Variants in BTBD9 observed in about 807,000 individuals in gnomAD.
BTBD9 encodes BTB domain containing 9.
In BTBD9, 49 loss-of-function variants were observed where a neutral mutation model predicts 64.3. That is an observed-to-expected ratio of 0.76 (90% CI 0.61 to 0.97). The LOEUF is 0.97. BTBD9 is among the 50% of genes least tolerant of loss of function. BTBD9 has a pLI of 0.00. For missense variants in BTBD9, 598 were observed against 762.1 expected, an observed-to-expected ratio of 0.78 and a Z score of 2.53; for synonymous variants, 260 against 274.7, an observed-to-expected ratio of 0.95 and a Z score of 0.53.
chr6:38,589,886 C>T (rs139906956), intron 4 of BTBD9, among the ~76,000 whole-genome samples: 1,936 of 152,256 alleles, frequency 0.013, 38 homozygotes, highest in African/African-American at 0.043. Context: ...CAAATGTCTT[C>T]CTTCTTCCTT....
chr6:38,386,933 G>A (rs182110821), intron 6 of BTBD9, among the ~76,000 whole-genome samples: 19 of 152,168 alleles, frequency 1.2e-4, no homozygotes, highest in Admixed American at 2.6e-4. Flanking sequence ...ATCAGCCAAC[G>A]CGTCTGGCCC....
At chr6:38,564,842 A>C (rs542416950) in intron 6 of BTBD9, among the ~76,000 whole-genome samples, 7 of 152,308 alleles carry the variant, frequency 4.6e-5, no homozygotes, top group African/African-American at 1.7e-4. Flanking sequence ...CAGTGAGCCG[A>C]GATTGCACTG....
chr6:38,180,224 G>A (rs1415646375), intron 10 of BTBD9, among the ~76,000 whole-genome samples: 3 of 152,196 alleles, frequency 2.0e-5, no homozygotes, highest in Non-Finnish European at 4.4e-5. Flanking sequence ...GGGTGGTCCC[G>A]ATTCTGTTCT....
intron 1 of BTBD9, among the ~76,000 whole-genome samples, chr6:38,604,035 CT>C (rs1657244985): frequency 6.6e-6 from 1 of 152,094 alleles, no homozygotes; most frequent in Non-Finnish European, 1.5e-5. Flanking sequence ...TACTCTACCC[CT>C]GTCATCCAAA....
intron 1 of BTBD9, among the ~76,000 whole-genome samples, chr6:38,614,702 C>T (rs1334261001): frequency 1.3e-5 from 2 of 152,148 alleles, no homozygotes; most frequent in Non-Finnish European, 2.9e-5. Context: ...TTGTTTTTAC[C>T]TCCTAAGATA....
intron 4 of BTBD9, among the ~76,000 whole-genome samples, chr6:38,591,414 ACTT>A (rs757504370): frequency 6.6e-5 from 10 of 152,198 alleles, no homozygotes; most frequent in Non-Finnish European, 1.3e-4. Context: ...ATACCAAGCC[ACTT>A]CTTCTGAAGT....
At chr6:38,283,224 C>G (rs549943287) in intron 8 of BTBD9, among the ~76,000 whole-genome samples, 3 of 152,160 alleles carry the variant, frequency 2.0e-5, no homozygotes, top group Non-Finnish European at 4.4e-5. Context: ...ACTTGCCTAC[C>G]CAACTACGGA....
intron 1 of BTBD9, among the ~76,000 whole-genome samples, chr6:38,624,163 C>T (rs140364975): frequency 1.8e-4 from 27 of 152,292 alleles, no homozygotes; most frequent in East Asian, 1.5e-3. Flanking sequence ...CTCTGTAAAA[C>T]GCGCAAATTA....
intron 6 of BTBD9, among the ~76,000 whole-genome samples, chr6:38,559,013 T>A (rs563043319): frequency 5.9e-5 from 9 of 152,302 alleles, no homozygotes; most frequent in African/African-American, 2.2e-4. Flanking sequence ...TGTGAATCCA[T>A]CTGGTCCAGG....
At chr6:38,447,252 C>T (rs1769316102) in intron 6 of BTBD9, among the ~76,000 whole-genome samples, 1 of 152,128 alleles carries the variant, frequency 6.6e-6, no homozygotes, top group African/African-American at 2.4e-5. Context: ...CATGGCCCAT[C>T]CATTAGAGAT....
Position 38,455,977 on chromosome 6 carries a change from C to CA in BTBD9, c.1155-110885_1155-110884insT, listed in dbSNP as rs559349794. Reference sequence around the variant, plus strand: ...CAGGCATGAGCCACTGCACCTAGCCCTTTTTTTTTTCTTTTTTTTCTTTTG... The same window carrying CA: ...CAGGCATGAGCCACTGCACCTAGCCCATTTTTTTTTTCTTTTTTTTCTTTTG... On this transcript the variant is annotated intron_variant, in intron 6 of 10. Transcript: ENST00000481247. Among the ~76,000 whole-genome samples the CA allele has an allele frequency of 3.4e-5, 5 of 145,790 alleles. 1 individual carries two copies. The highest frequency in any genetic ancestry group is 2.7e-4 in the Admixed American group (4 of 14,614).
chr6:38,634,497 T>G (rs1431513586), intron 1 of BTBD9, among the ~76,000 whole-genome samples: 1 of 152,064 alleles, frequency 6.6e-6, no homozygotes, highest in Non-Finnish European at 1.5e-5. Flanking sequence ...AGACTCAATG[T>G]GCCTAATACA....
At chr6:38,305,653 T>G (rs1762599482) in intron 7 of BTBD9, among the ~76,000 whole-genome samples, 2 of 151,986 alleles carry the variant, frequency 1.3e-5, no homozygotes, top group Admixed American at 6.6e-5. Flanking sequence ...GGCTAATTTT[T>G]TTTTGTTTTT....
At chr6:38,240,458 A>T (rs1485727967) in intron 9 of BTBD9, among the ~76,000 whole-genome samples, 3 of 152,204 alleles carry the variant, frequency 2.0e-5, no homozygotes, top group Non-Finnish European at 4.4e-5. Flanking sequence ...CAGACTTTTG[A>T]GTTAACATAA....
At chr6:38,434,494 G>GT (rs1484571349) in intron 6 of BTBD9, among the ~76,000 whole-genome samples, 2 of 151,830 alleles carry the variant, frequency 1.3e-5, no homozygotes, top group African/African-American at 4.9e-5. Flanking sequence ...CCAAACCATT[G>GT]TATTTCTTAA....
At chr6:38,346,914 C>T (rs952285435) in intron 6 of BTBD9, among the ~76,000 whole-genome samples, 4 of 152,128 alleles carry the variant, frequency 2.6e-5, no homozygotes, top group Non-Finnish European at 5.9e-5. Context: ...CAGATCATTT[C>T]GCTATTCTCT....
chr6:38,244,313 T>C (rs1260217348), intron 9 of BTBD9, among the ~76,000 whole-genome samples: 1 of 152,058 alleles, frequency 6.6e-6, no homozygotes, highest in Non-Finnish European at 1.5e-5. Flanking sequence ...TGGATGGTGG[T>C]AGGCTGGACC....
At chr6:38,615,973 C>A (rs189331396) in intron 1 of BTBD9, among the ~76,000 whole-genome samples, 1 of 152,262 alleles carries the variant, frequency 6.6e-6, no homozygotes, top group African/African-American at 2.4e-5. Flanking sequence ...AATCCCCTCC[C>A]CTTGAGAGTG....
intron 6 of BTBD9, among the ~76,000 whole-genome samples, chr6:38,442,286 C>G (rs150674357): frequency 0.07 from 10,565 of 151,812 alleles, 718 homozygotes; most frequent in African/African-American, 0.17. Context: ...AGGAGTTCGA[C>G]ACCAGCCTGG....
Sources: allele counts gnomAD v4.1 joint callset (sites outside exome capture counted in the v4.1 genomes callset), GRCh38; gene constraint gnomAD v4.1.1; transcripts MANE v1.5; gene names NCBI Gene and HGNC (gene_info 2026-07-23, HGNC 2026-07-21).